Variants in GUCY1B1 observed in about 807,000 individuals in gnomAD.
GUCY1B1 encodes guanylate cyclase 1 soluble subunit beta 1.
GUCY1B1 carries 43 observed loss-of-function variants against 71.0 expected under a neutral mutation model. The ratio of observed to expected loss-of-function variants is 0.61; its 90% CI spans 0.47 to 0.78. GUCY1B1 has a LOEUF of 0.78. GUCY1B1 is among the 30% of genes least tolerant of loss of function. The pLI, the probability that GUCY1B1 is intolerant of heterozygous loss-of-function variation, is 0.00. For synonymous variants in GUCY1B1, 266 were observed against 259.7 expected (o/e 1.02, Z -0.23); for missense variants, 535 against 754.1 (o/e 0.71, Z 3.40).
intron 3 of GUCY1B1, among the ~76,000 whole-genome samples, chr4:155,776,982 T>C (rs1240751364): frequency 1.3e-5 from 2 of 152,196 alleles, no homozygotes; most frequent in East Asian, 3.9e-4. Flanking sequence ...CAGATTTTTT[T>C]TGGATTTTGG....
intron 2 of GUCY1B1, among the ~76,000 whole-genome samples, chr4:155,769,764 T>A (rs984954967): frequency 6.6e-6 from 1 of 152,056 alleles, no homozygotes; most frequent in Non-Finnish European, 1.5e-5. Context: ...TTCAGAAAAA[T>A]CTTAAATTGT....
At chr4:155,797,511 G>A (rs1739635935) in intron 8 of GUCY1B1, among the ~76,000 whole-genome samples, 2 of 151,960 alleles carry the variant, frequency 1.3e-5, no homozygotes. Flanking sequence ...AGGCCGAGGT[G>A]GGTGGATCAC....
intron 8 of GUCY1B1, among the ~76,000 whole-genome samples, chr4:155,797,762 T>TA (rs1412362798): frequency 2.7e-5 from 4 of 149,372 alleles, no homozygotes; most frequent in South Asian, 2.1e-4. Context: ...ATAATAATAA[T>TA]ATATCGTTAA....
intron 2 of GUCY1B1, among the ~76,000 whole-genome samples, chr4:155,760,259 C>G (rs571224888): frequency 7.9e-5 from 12 of 152,188 alleles, no homozygotes; most frequent in Non-Finnish European, 1.8e-4. Context: ...AAACGGAAGA[C>G]TTTGGCTCCT....
intron 2 of GUCY1B1, among the ~76,000 whole-genome samples, chr4:155,762,898 T>C (rs549215153): frequency 6.6e-6 from 1 of 152,178 alleles, no homozygotes; most frequent in Non-Finnish European, 1.5e-5. Flanking sequence ...TTTGATGACC[T>C]CTGATTTAGA....
At chr4:155,792,525 G>A (rs1158647419) in intron 5 of GUCY1B1, among the ~76,000 whole-genome samples, 6 of 151,754 alleles carry the variant, frequency 4.0e-5, no homozygotes, top group Non-Finnish European at 1.5e-5. Context: ...CTGACAGTGA[G>A]GTAGTAACAT....
rs542531239 is a variant in GUCY1B1 at position 155,799,834 on chromosome 4, A to G, written c.978-43A>G. 4.3e-6 allele frequency: 5 copies of G among 1,163,532 alleles called. No homozygotes were observed. In the African/African-American group the frequency reaches 4.6e-5, roughly 11 times the overall value. The allele number at this position is 1,163,532 out of a possible 1,614,324, so 72.1% of individuals were successfully genotyped here. A position where few individuals can be genotyped will look rare whatever the true frequency, so the allele number is the denominator to read the frequency against. On this transcript the variant is annotated intron_variant, in intron 8 of 13. Transcript: ENST00000264424. The stretch of plus-strand genomic sequence containing the variant: ...AGAAATCGGGATTGCATTGTCATGT[A>G]TATAAGTTGAGACTGATCTTGCCTC...
intron 6 of GUCY1B1, among the ~76,000 whole-genome samples, chr4:155,794,953 TAAGA>T (rs1561026761): frequency 6.6e-6 from 1 of 152,172 alleles, no homozygotes; most frequent in Non-Finnish European, 1.5e-5. Context: ...AGATAAATAT[TAAGA>T]GAGGGTTTGC....
At chr4:155,785,308 G>T (rs1284944205) in intron 4 of GUCY1B1, 1 of 1,462,002 alleles carries the variant, frequency 6.8e-7, no homozygotes, top group East Asian at 2.5e-5. Flanking sequence ...ATTGTTTCCT[G>T]GGAATCTACT....
At chr4:155,760,505 A>G (rs1736929756) in intron 2 of GUCY1B1, among the ~76,000 whole-genome samples, 1 of 124,328 alleles carries the variant, frequency 8.0e-6, no homozygotes, top group Non-Finnish European at 1.5e-5. Context: ...TTCTACTTTC[A>G]GTCCTGGAGC....
At chr4:155,798,100 T>G (rs1471882222) in intron 8 of GUCY1B1, among the ~76,000 whole-genome samples, 2 of 152,168 alleles carry the variant, frequency 1.3e-5, no homozygotes, top group African/African-American at 4.8e-5. Flanking sequence ...AATTTGGAGT[T>G]TATTTGTTAA....
intron 4 of GUCY1B1, among the ~76,000 whole-genome samples, chr4:155,780,681 C>T (rs1352453336): frequency 1.3e-5 from 2 of 152,176 alleles, no homozygotes; most frequent in Non-Finnish European, 2.9e-5. Context: ...GAAGCAAACA[C>T]ACCAATAGAT....
At chr4:155,777,728 G>A in intron 4 of GUCY1B1, 86 bp downstream of exon 4, 1 of 663,856 alleles carries the variant, frequency 1.5e-6, no homozygotes, top group Non-Finnish European at 2.7e-6. Context: ...TCACTCAGCT[G>A]TACAAGAGTG....
chr4:155,774,830 A>G, intron 2 of GUCY1B1, 138 bp from the exon 3 acceptor site: 1 of 630,440 alleles, frequency 1.6e-6, no homozygotes, highest in Non-Finnish European at 2.8e-6. Flanking sequence ...GTACATGATG[A>G]TGTTTAAACA....
intron 5 of GUCY1B1, 91 bp from the exon 6 acceptor site, chr4:155,793,765 A>G (rs1739342080): frequency 4.7e-6 from 3 of 644,396 alleles, no homozygotes; most frequent in African/African-American, 1.8e-5. Flanking sequence ...AATCTTCTAA[A>G]TGCAGTATTC....
intron 4 of GUCY1B1, chr4:155,785,435 GTAT>G (rs1561017416): frequency 1.6e-5 from 9 of 577,520 alleles, no homozygotes; most frequent in Non-Finnish European, 3.0e-6. Flanking sequence ...GCTTCTGTGG[GTAT>G]ATTTAGAAAT....
In GUCY1B1 at chr4:155,759,791, G is replaced by T; in HGVS notation, c.8G>T (p.Gly3Val). Residue 3 changes from glycine to valine, a missense_variant, in exon 2 of 14, where the codon GGA (glycine) becomes GTA (valine). Physicochemically the swap from Gly to Val is moderately radical, Grantham distance 109. Transcript: ENST00000264424. Reference protein sequence around the residue: MYGFVNHALELLV... With the variant: MYVFVNHALELLV... ...AGTCTCTCCCTGTCCCCGCAGTACGGATTTGTGAATCACGCCCTGGAGTTG... is the reference window on the plus strand; with the variant it reads ...AGTCTCTCCCTGTCCCCGCAGTACGTATTTGTGAATCACGCCCTGGAGTTG... 1 of 1,612,638 alleles carries T rather than the reference G, an allele frequency of 6.2e-7. No individual in the cohort carries two copies. The highest frequency in any genetic ancestry group is 8.5e-7 in the Non-Finnish European group (1 of 1,178,880).
In GUCY1B1 at chr4:155,792,851, T is replaced by A. The variant is rs576972037; in HGVS notation, c.496-1005T>A. On this transcript the variant is annotated intron_variant, in intron 5 of 13. Transcript: ENST00000264424. The stretch of plus-strand genomic sequence containing the variant: ...AATGTATTTGCCTGTGAATAATACT[T>A]TAGAAAAGTAGGATTTTTTTACATT... Among the ~76,000 whole-genome samples, 3 of 152,242 alleles carry A rather than the reference T, an allele frequency of 2.0e-5. No individual in the cohort carries two copies. In the South Asian group the frequency reaches 6.2e-4, roughly 32 times the overall value.
chr4:155,788,954 T>G (rs983203264), intron 4 of GUCY1B1, among the ~76,000 whole-genome samples: 3 of 152,204 alleles, frequency 2.0e-5, no homozygotes, highest in Non-Finnish European at 4.4e-5. Flanking sequence ...TTTCTTCTAG[T>G]ACTCTTTACA....
Sources: allele counts gnomAD v4.1 joint callset (sites outside exome capture counted in the v4.1 genomes callset), GRCh38; gene constraint gnomAD v4.1.1; transcripts MANE v1.5; gene names NCBI Gene and HGNC (gene_info 2026-07-23, HGNC 2026-07-21).